The following GSG1L variants were observed in gnomAD, a reference collection of about 807,000 sequenced individuals.
The protein encoded by GSG1L is germ cell-specific gene 1-like protein.
In GSG1L, 24 loss-of-function variants were observed where a neutral mutation model predicts 42.1. The observed-to-expected ratio is 0.57, with a 90% CI of 0.41 to 0.80. The LOEUF is 0.80. Ranked by LOEUF, GSG1L falls within the 30% of genes least tolerant of loss-of-function variation. The probability of loss-of-function intolerance (pLI) is 0.00; values close to 1 mark genes in which losing one functional copy is unlikely to be tolerated. For synonymous variants in GSG1L, 215 were observed against 203.5 expected (o/e 1.06, Z -0.48); for missense variants, 445 against 472.2 (o/e 0.94, Z 0.53).
At chr16:27,913,541 T>C (rs2084416065) in intron 2 of GSG1L, among the ~76,000 whole-genome samples, 1 of 152,208 alleles carries the variant, frequency 6.6e-6, no homozygotes, top group Non-Finnish European at 1.5e-5. Context: ...AGAGCAGGGG[T>C]TGTCAAACTA....
At position 27,791,391 on chromosome 16, in the gene GSG1L, C is replaced by A. The variant is rs1335314092; in HGVS notation, c.975G>T (p.Trp325Cys). 2 of 1,505,000 alleles carry A rather than the reference C, an allele frequency of 1.3e-6. No individual in the cohort carries two copies. Among genetic ancestry groups the A allele is most frequent in the African/African-American group, 2.8e-5 (2 of 70,968 alleles). 93.2% of individuals were successfully genotyped at this position (1,505,000 alleles called of 1,614,324 possible). ...QEAPELNRQC[W>C]VLGHWV ...TTGGTCACACCCAGTGCCCCAAGACCCAGCACTGTCGGTTCAGCTCTGGTG... is the reference window on the plus strand; with the variant it reads ...TTGGTCACACCCAGTGCCCCAAGACACAGCACTGTCGGTTCAGCTCTGGTG... The change falls in exon 7 of 7, where the codon TGG becomes TGT. Residue 325 changes from tryptophan to cysteine, a missense_variant. Trp to Cys is a radical substitution (Grantham distance 215, BLOSUM62 -2). Transcript: ENST00000447459.
chr16:27,809,310 G>A (rs1211643718), intron 5 of GSG1L, among the ~76,000 whole-genome samples: 1 of 152,162 alleles, frequency 6.6e-6, no homozygotes, highest in Non-Finnish European at 1.5e-5. Context: ...GGCTGAGGCA[G>A]GAGGATTGCT....
intron 1 of GSG1L, among the ~76,000 whole-genome samples, chr16:27,976,759 T>A (rs1203624009): frequency 6.6e-6 from 1 of 152,158 alleles, no homozygotes; most frequent in Non-Finnish European, 1.5e-5. Context: ...ACTGCCTTAA[T>A]CTCAACATCT....
intron 4 of GSG1L, among the ~76,000 whole-genome samples, chr16:27,844,573 A>G (rs2083421791): frequency 6.6e-6 from 1 of 152,244 alleles, no homozygotes; most frequent in African/African-American, 2.4e-5. Flanking sequence ...CGTGGATAAT[A>G]TAAAACAATG....
intron 2 of GSG1L, among the ~76,000 whole-genome samples, chr16:27,923,628 G>C (rs1218515046): frequency 6.6e-6 from 1 of 151,912 alleles, no homozygotes; most frequent in Non-Finnish European, 1.5e-5. Context: ...TGTGGTCCCA[G>C]CTACTTGGGA....
intron 5 of GSG1L, among the ~76,000 whole-genome samples, chr16:27,827,826 TCATCCATCTACC>T (rs1261905394): frequency 6.6e-6 from 1 of 151,588 alleles, no homozygotes; most frequent in Non-Finnish European, 1.5e-5. Context: ...ATCCAACCAT[TCATCCATCTACC>T]CATCCACCCA....
intron 1 of GSG1L, among the ~76,000 whole-genome samples, chr16:27,975,711 G>C (rs942780647): frequency 6.6e-6 from 1 of 152,158 alleles, no homozygotes; most frequent in African/African-American, 2.4e-5. Context: ...ATCTGAAGGT[G>C]TCTGAATTAA....
At chr16:27,849,742 C>T (rs539994153) in intron 3 of GSG1L, among the ~76,000 whole-genome samples, 181 of 152,122 alleles carry the variant, frequency 1.2e-3, no homozygotes, top group Non-Finnish European at 2.3e-3. Context: ...CCTGTGTTGT[C>T]CAGGCTGGTC....
chr16:27,817,173 C>G (rs982784053), intron 5 of GSG1L, among the ~76,000 whole-genome samples: 2 of 152,192 alleles, frequency 1.3e-5, no homozygotes, highest in Non-Finnish European at 2.9e-5. Context: ...GATTCCAGGG[C>G]CGAATGTGGC....
At chr16:28,028,982 G>A (rs1378945736) in intron 1 of GSG1L, among the ~76,000 whole-genome samples, 1 of 152,182 alleles carries the variant, frequency 6.6e-6, no homozygotes, top group Non-Finnish European at 1.5e-5. Flanking sequence ...GTGATGCATG[G>A]CAGGGCACCA....
At chr16:28,007,167 G>A (rs550740141) in intron 1 of GSG1L, among the ~76,000 whole-genome samples, 2 of 152,316 alleles carry the variant, frequency 1.3e-5, no homozygotes, top group African/African-American at 4.8e-5. Flanking sequence ...GCTGGGTGAT[G>A]AAGATAAGGA....
chr16:27,910,122 G>A (rs1286539009), intron 2 of GSG1L, among the ~76,000 whole-genome samples: 1 of 124,428 alleles, frequency 8.0e-6, no homozygotes, highest in East Asian at 2.0e-4. Flanking sequence ...ACCATGCCTG[G>A]CTACTTTTTT....
In GSG1L at chr16:27,828,958, T is replaced by C; in HGVS notation, c.663-2A>G. 6.2e-7 allele frequency: 1 copy of C among 1,613,950 alleles called. No individual in the cohort carries two copies. On this transcript the variant is annotated splice_acceptor_variant, in intron 4 of 6. Coordinates refer to ENST00000447459, the MANE Select transcript of GSG1L (RefSeq NM_001109763.2). LOFTEE classifies it high-confidence loss of function. ...CAGGTAAAGGAGCCCCACGCCAGGC[T>C]GCCAAGAGATCAGGAGAGAGATGCC...
intron 4 of GSG1L, among the ~76,000 whole-genome samples, chr16:27,836,757 T>C (rs2083325481): frequency 6.6e-6 from 1 of 152,236 alleles, no homozygotes; most frequent in African/African-American, 2.4e-5. Context: ...TCCAAGGGTG[T>C]TTGCAACTGC....
rs138165649 is a variant in GSG1L at position 27,934,338 on chromosome 16, G to A, written c.397+28818C>T. The stretch of plus-strand genomic sequence containing the variant: ...GTGGGAGGATCACCTGAGGTCAGGA[G>A]TTCGAGACCAGCCTGGCCAACATGG... On this transcript the variant is annotated intron_variant, in intron 2 of 6. Transcript: ENST00000447459. 3.8e-3 allele frequency among the ~76,000 whole-genome samples: 582 copies of A among 152,304 alleles called. 5 individuals carry two copies. The highest frequency in any genetic ancestry group is 0.013 in the African/African-American group (555 of 41,570).
chr16:27,920,210 TAAC>T (rs1190465962), intron 2 of GSG1L, among the ~76,000 whole-genome samples: 4 of 145,666 alleles, frequency 2.7e-5, no homozygotes, highest in Non-Finnish European at 4.5e-5. Context: ...CACGATCAAT[TAAC>T]AATGTCTGGT....
intron 1 of GSG1L, among the ~76,000 whole-genome samples, chr16:27,976,361 T>C (rs12928333): frequency 0.024 from 3,721 of 152,344 alleles, 62 homozygotes; most frequent in Non-Finnish European, 0.037. Context: ...TTCGTGACCA[T>C]GTATGTCTTG....
At chr16:28,051,510 A>G (rs12928004) in intron 1 of GSG1L, among the ~76,000 whole-genome samples, 8,012 of 94,006 alleles carry the variant, frequency 0.085, 411 homozygotes, top group South Asian at 0.3. Context: ...AAGTGTTACG[A>G]AAAAAAAAAA....
At chr16:27,904,832 C>A (rs2084301658) in intron 2 of GSG1L, among the ~76,000 whole-genome samples, 1 of 152,142 alleles carries the variant, frequency 6.6e-6, no homozygotes, top group Admixed American at 6.5e-5. Flanking sequence ...TGCTCTGCTT[C>A]CGTGTCAAGA....
Sources: gnomAD v4.1 joint callset for allele counts (sites outside exome capture counted in the v4.1 genomes callset) on GRCh38, gnomAD v4.1.1 for gene constraint, MANE v1.5 for transcripts, NCBI Gene and HGNC (gene_info 2026-07-23, HGNC 2026-07-21) for gene names.